Variants in MBTPS1 observed in about 807,000 individuals in gnomAD.
MBTPS1 encodes the protein membrane-bound transcription factor site-1 protease.
In MBTPS1, 94 loss-of-function variants were observed where a neutral mutation model predicts 127.8. The observed-to-expected ratio is 0.74, with a 90% CI of 0.62 to 0.87. The LOEUF (loss-of-function observed/expected upper bound fraction) is 0.87. Among genes scored for constraint, MBTPS1 ranks in the 40% least tolerant of loss-of-function variants. MBTPS1 has a pLI of 0.00. For missense variants in MBTPS1, 1,636 were observed against 1,353.2 expected (o/e 1.21, Z -3.28); for synonymous variants, 632 against 509.4 (o/e 1.24, Z -3.24).
chr16:84,084,256 C>T (rs2085985939), intron 10 of MBTPS1, among the ~76,000 whole-genome samples: 1 of 152,216 alleles, frequency 6.6e-6, no homozygotes, highest in Non-Finnish European at 1.5e-5. Flanking sequence ...CCGCACCCGG[C>T]CTCCTTGAGA....
intron 19 of MBTPS1, among the ~76,000 whole-genome samples, chr16:84,062,147 G>A (rs1243901239): frequency 6.6e-6 from 1 of 152,046 alleles, no homozygotes; most frequent in African/African-American, 2.4e-5. Flanking sequence ...TTAAAACAGT[G>A]TCTTGCTCTG....
At position 84,063,534 on chromosome 16, in the gene MBTPS1, A is replaced by G. The variant is rs191659420; in HGVS notation, c.2432-89T>C. The G allele has an allele frequency of 1.0e-4, 129 of 1,233,468 alleles. 1 individual carries two copies. The East Asian group carries it at 3.1e-3, about 29-fold the overall frequency. The allele number at this position is 1,233,468 out of a possible 1,614,324, so 76.4% of individuals were successfully genotyped here. A position where few individuals can be genotyped will look rare whatever the true frequency, so the allele number is the denominator to read the frequency against. ...GATATTTCATCCACGTGACAAATAA[A>G]CCACATTTACAAAATCTAATATTCA... On this transcript the variant is annotated intron_variant, in intron 18 of 22. Transcript: ENST00000343411.
intron 5 of MBTPS1, 55 bp from the exon 6 acceptor site, chr16:84,093,352 G>GAATGTTGCGTCCTGGC: frequency 1.7e-6 from 2 of 1,187,852 alleles, no homozygotes; most frequent in Non-Finnish European, 2.5e-6. Context: ...CAAGTGCCAG[G>GAATGTTGCGTCCTGGC]ACGCAACATT....
At chr16:84,094,925 C>T (rs977101484) in intron 4 of MBTPS1, among the ~76,000 whole-genome samples, 2 of 152,196 alleles carry the variant, frequency 1.3e-5, no homozygotes, top group African/African-American at 2.4e-5. Context: ...CCGAGGCAAA[C>T]TGCGCTGTCC....
At position 84,089,940 on chromosome 16, in the gene MBTPS1, G is replaced by A. The variant is rs117960556; in HGVS notation, c.1031+935C>T. 1.9e-3 allele frequency among the ~76,000 whole-genome samples: 289 copies of A among 152,318 alleles called. 1 individual carries two copies. Among genetic ancestry groups the A allele is most frequent in the Non-Finnish European group, 3.7e-3 (254 of 68,034 alleles). Reference sequence around the variant, plus strand: ...TGGTGTTTGTCATGGCAGAGCTATAGCGAGGGTATGTTCATGCCACTTACA... The same window carrying A: ...TGGTGTTTGTCATGGCAGAGCTATAACGAGGGTATGTTCATGCCACTTACA... On this transcript the variant is annotated intron_variant, in intron 8 of 22. Coordinates refer to ENST00000343411, the MANE Select transcript of MBTPS1 (RefSeq NM_003791.4).
intron 1 of MBTPS1, among the ~76,000 whole-genome samples, chr16:84,110,471 TA>T (rs201435382): frequency 5.0e-4 from 76 of 151,282 alleles, no homozygotes; most frequent in African/African-American, 1.6e-3. Context: ...TGGTGAATAT[TA>T]AAAAAAAACA....
chr16:84,100,437 G>C (rs185550815), intron 2 of MBTPS1, among the ~76,000 whole-genome samples: 1 of 151,920 alleles, frequency 6.6e-6, no homozygotes, highest in African/African-American at 2.4e-5. Flanking sequence ...CCAGCTACTC[G>C]GGAGGCTGAG....
Position 84,070,135 on chromosome 16 carries a change from T to A in MBTPS1, c.1783-97A>T, listed in dbSNP as rs954583584. 4 of 1,033,630 alleles carry A rather than the reference T, an allele frequency of 3.9e-6. No homozygotes were observed. The African/African-American group carries it at 4.8e-5, about 12-fold the overall frequency. The allele number at this position is 1,033,630 out of a possible 1,614,324, so 64.0% of individuals were successfully genotyped here. ...TTTCTATTTATCAACTTAACCTAAA[T>A]AATTTGAACACAAGAATTTCCAATA... is the stretch of plus-strand genomic sequence containing the variant. On this transcript the variant is annotated intron_variant, in intron 13 of 22. Coordinates refer to ENST00000343411, the MANE Select transcript of MBTPS1 (RefSeq NM_003791.4).
chr16:84,101,276 A>G (rs956511676), intron 2 of MBTPS1, among the ~76,000 whole-genome samples: 3 of 151,952 alleles, frequency 2.0e-5, no homozygotes, highest in Admixed American at 6.6e-5. Context: ...CTCCAGCCTC[A>G]GCAACAGAGT....
At chr16:84,055,479 C>T (rs2151137687) in intron 22 of MBTPS1, among the ~76,000 whole-genome samples, 2 of 152,336 alleles carry the variant, frequency 1.3e-5, no homozygotes, top group Admixed American at 1.3e-4. Flanking sequence ...CTGCCCTAGG[C>T]AGTCTATGTA....
intron 1 of MBTPS1, chr16:84,110,951 G>A (rs368607750): frequency 6.6e-5 from 10 of 152,376 alleles, no homozygotes; most frequent in Admixed American, 4.6e-4. Flanking sequence ...CAAGGAGACT[G>A]GCTCAATAAT....
At chr16:84,086,514 C>T (rs547634947) in intron 9 of MBTPS1, 1 of 152,694 alleles carries the variant, frequency 6.5e-6, no homozygotes, top group East Asian at 1.9e-4. Flanking sequence ...GCGGGGACCC[C>T]TGGTGGGGCT....
chr16:84,084,896 A>G, intron 10 of MBTPS1, 87 bp downstream of exon 10: 1 of 1,440,572 alleles, frequency 6.9e-7, no homozygotes, highest in Non-Finnish European at 9.5e-7. Context: ...AAGACAGGGC[A>G]GAAGCAAGAC....
rs377227676 is a variant in MBTPS1, at chr16:84,094,704, G to T, written c.626-883C>A. ...CAAAATCAGAAATCATTTGGTTTGG[G>T]GGGAATAAAAAATTATTTCTCATGA... On this transcript the variant is annotated intron_variant, in intron 4 of 22. Transcript: ENST00000343411. Among the ~76,000 whole-genome samples the T allele has an allele frequency of 4.6e-5, 7 of 152,222 alleles. No homozygotes were observed. In the South Asian group the frequency reaches 1.5e-3, roughly 32 times the overall value.
chr16:84,076,077 A>T (rs191497001), intron 11 of MBTPS1, among the ~76,000 whole-genome samples: 143 of 152,360 alleles, frequency 9.4e-4, no homozygotes, highest in African/African-American at 3.3e-3. Flanking sequence ...ATATTAAGAA[A>T]ACAAAATAGC....
At chr16:84,114,612 T>C (rs914929846) in intron 1 of MBTPS1, among the ~76,000 whole-genome samples, 12 of 151,774 alleles carry the variant, frequency 7.9e-5, no homozygotes, top group Non-Finnish European at 1.3e-4. Flanking sequence ...GGGCGGATCA[T>C]GAGGTCAAGG....
At chr16:84,073,457 T>C (rs533122188) in intron 12 of MBTPS1, among the ~76,000 whole-genome samples, 3 of 152,068 alleles carry the variant, frequency 2.0e-5, no homozygotes, top group South Asian at 2.1e-4. Context: ...ATTTATGATA[T>C]AATGAGAACC....
At position 84,063,401 on chromosome 16, in the gene MBTPS1, G is replaced by A; in HGVS notation, c.2476C>T (p.Pro826Ser). The A allele has an allele frequency of 6.2e-7, 1 of 1,614,034 alleles. No homozygotes were observed. The highest frequency in any genetic ancestry group is 8.5e-7 in the Non-Finnish European group (1 of 1,179,968). Reference protein sequence around the residue: ...KQETAVVENVPILGLYQIPAE... With the variant: ...KQETAVVENVSILGLYQIPAE... ...GGAATCTGATAAAGTCCCAAAATGG[G>A]GACGTTTTCAACAACTGCTGTTTCC... is the stretch of plus-strand genomic sequence containing the variant. Residue 826 changes from proline to serine, a missense_variant, in exon 19 of 23, where the codon CCC (proline) becomes TCC (serine). Coordinates refer to ENST00000343411, the MANE Select transcript of MBTPS1 (RefSeq NM_003791.4).
intron 21 of MBTPS1, chr16:84,057,080 T>C (rs1172297178): frequency 6.6e-6 from 1 of 152,222 alleles, no homozygotes; most frequent in Non-Finnish European, 1.5e-5. Flanking sequence ...TATCAGCAAT[T>C]AGGCTGAAAG....
Sources: allele counts gnomAD v4.1 joint callset (sites outside exome capture counted in the v4.1 genomes callset), GRCh38; gene constraint gnomAD v4.1.1; transcripts MANE v1.5; gene names NCBI Gene and HGNC (gene_info 2026-07-23, HGNC 2026-07-21).